GRM7: variants seen among roughly 807,000 people sequenced by gnomAD.
The protein encoded by GRM7 is metabotropic glutamate receptor 7.
Under a neutral mutation model 84.5 loss-of-function variants are expected in GRM7, and 35 were observed. The observed-to-expected ratio is 0.41, with a 90% CI of 0.32 to 0.55. The LOEUF is 0.55. GRM7 is among the 20% of genes least tolerant of loss of function. The probability of loss-of-function intolerance (pLI) is 0.19; values close to 1 mark genes in which losing one functional copy is unlikely to be tolerated. For synonymous variants in GRM7, 487 were observed against 455.1 expected, an observed-to-expected ratio of 1.07 and a Z score of -0.89; for missense variants, 1,003 against 1,194.6, an observed-to-expected ratio of 0.84 and a Z score of 2.36.
intron 1 of GRM7, among the ~76,000 whole-genome samples, chr3:7,102,208 C>T (rs956310885): frequency 4.0e-5 from 6 of 151,702 alleles, no homozygotes; most frequent in Non-Finnish European, 7.4e-5. Context: ...AGTTCTGCTG[C>T]CAACCTTCTC....
At chr3:7,159,834 G>A (rs1694568877) in intron 2 of GRM7, among the ~76,000 whole-genome samples, 1 of 152,104 alleles carries the variant, frequency 6.6e-6, no homozygotes, top group Admixed American at 6.6e-5. Flanking sequence ...AGTTGAGCTA[G>A]CCTTATTTTA....
intron 7 of GRM7, among the ~76,000 whole-genome samples, chr3:7,566,809 A>G (rs541762400): frequency 6.6e-6 from 1 of 152,322 alleles, no homozygotes; most frequent in Non-Finnish European, 1.5e-5. Context: ...GGGGGAAAAA[A>G]AAAATGGTTC....
chr3:7,280,227 A>T (rs1277967678), intron 2 of GRM7, among the ~76,000 whole-genome samples: 1 of 152,336 alleles, frequency 6.6e-6, no homozygotes, highest in East Asian at 1.9e-4. Context: ...AAAAGGTAGC[A>T]TGTTGAGCTG....
intron 2 of GRM7, among the ~76,000 whole-genome samples, chr3:7,164,733 C>G (rs1479407010): frequency 6.6e-6 from 1 of 152,170 alleles, no homozygotes; most frequent in African/African-American, 2.4e-5. Flanking sequence ...TGAAAAGAAT[C>G]AGATAGCTGC....
At chr3:7,436,976 G>A (rs547192838) in intron 5 of GRM7, among the ~76,000 whole-genome samples, 1 of 152,014 alleles carries the variant, frequency 6.6e-6, no homozygotes, top group African/African-American at 2.4e-5. Flanking sequence ...TTAGTTTTTG[G>A]AGATCACTTC....
At chr3:7,289,484 T>G (rs541985162) in intron 2 of GRM7, among the ~76,000 whole-genome samples, 42 of 152,248 alleles carry the variant, frequency 2.8e-4, no homozygotes, top group African/African-American at 9.6e-4. Context: ...GAAATACCAT[T>G]TGACCCAGCC....
At chr3:7,292,656 G>T (rs935255996) in intron 2 of GRM7, among the ~76,000 whole-genome samples, 1 of 151,676 alleles carries the variant, frequency 6.6e-6, no homozygotes, top group Non-Finnish European at 1.5e-5. Flanking sequence ...TTCTCCATGT[G>T]TAATGGAGAA....
At chr3:7,321,333 T>A (rs926308973) in intron 4 of GRM7, among the ~76,000 whole-genome samples, 2 of 152,098 alleles carry the variant, frequency 1.3e-5, no homozygotes, top group African/African-American at 2.4e-5. Context: ...AAGTGCCTTA[T>A]GACCTATGTG....
intron 9 of GRM7, among the ~76,000 whole-genome samples, chr3:7,705,541 T>C (rs1182625856): frequency 6.6e-6 from 1 of 152,196 alleles, no homozygotes; most frequent in African/African-American, 2.4e-5. Context: ...GAGGGAATTA[T>C]GAAACAAAGC....
intron 1 of GRM7, among the ~76,000 whole-genome samples, chr3:7,129,553 C>G (rs879071134): frequency 6.6e-6 from 1 of 152,132 alleles, no homozygotes; most frequent in Admixed American, 6.5e-5. Context: ...GTGTTGTATG[C>G]CAAGCTGGGA....
At chr3:7,686,545 T>G in intron 9 of GRM7, 1 of 628,260 alleles carries the variant, frequency 1.6e-6, no homozygotes, top group East Asian at 2.7e-5. Flanking sequence ...TACCTGAAAA[T>G]ATATCTATAG....
intron 1 of GRM7, among the ~76,000 whole-genome samples, chr3:6,958,423 A>G (rs1179943335): frequency 6.6e-6 from 1 of 152,164 alleles, no homozygotes; most frequent in Non-Finnish European, 1.5e-5. Flanking sequence ...TTATCTGTTC[A>G]CCTGCTGATG....
At chr3:7,368,371 T>G (rs1329400928) in intron 4 of GRM7, among the ~76,000 whole-genome samples, 2 of 152,156 alleles carry the variant, frequency 1.3e-5, no homozygotes, top group African/African-American at 2.4e-5. Flanking sequence ...AATGTCAAGT[T>G]TATTTTTTAT....
intron 1 of GRM7, among the ~76,000 whole-genome samples, chr3:7,054,287 A>C (rs1020061768): frequency 2.7e-5 from 4 of 149,318 alleles, no homozygotes; most frequent in African/African-American, 7.3e-5. Flanking sequence ...ATATATCATA[A>C]AAGATAAGAT....
chr3:7,075,496 ATGTGTGTG>A (rs376048569), intron 1 of GRM7, among the ~76,000 whole-genome samples: 1,389 of 138,560 alleles, frequency 0.01, 25 homozygotes, highest in African/African-American at 0.027. Context: ...TGCTTCTCAG[ATGTGTGTG>A]TGTGTGTGTG....
chr3:7,555,188 A>C (rs1017281291), intron 7 of GRM7, among the ~76,000 whole-genome samples: 2 of 152,228 alleles, frequency 1.3e-5, no homozygotes, highest in Non-Finnish European at 2.9e-5. Context: ...AACATTTAGT[A>C]TAGGTCTGAT....
chr3:7,143,801 A>G (rs79795313), intron 1 of GRM7, among the ~76,000 whole-genome samples: 8 of 152,274 alleles, frequency 5.3e-5, no homozygotes, highest in East Asian at 1.9e-4. Flanking sequence ...AAGCTTTTAC[A>G]TTTCCACAAG....
intron 4 of GRM7, among the ~76,000 whole-genome samples, chr3:7,329,268 T>C (rs752989177): frequency 6.6e-5 from 10 of 152,174 alleles, no homozygotes; most frequent in Non-Finnish European, 1.0e-4. Flanking sequence ...CTCATTCTAG[T>C]AGGACAGCTA....
chr3:7,008,475 T>A (rs1695255957), intron 1 of GRM7, among the ~76,000 whole-genome samples: 2 of 152,212 alleles, frequency 1.3e-5, no homozygotes, highest in Non-Finnish European at 2.9e-5. Context: ...TTACATTTAA[T>A]TAAAGAAAAC....
Sources: allele counts gnomAD v4.1 joint callset (sites outside exome capture counted in the v4.1 genomes callset), GRCh38; gene constraint gnomAD v4.1.1; transcripts MANE v1.5; gene names NCBI Gene and HGNC (gene_info 2026-07-23, HGNC 2026-07-21).